CNOT4: variants seen among roughly 807,000 people sequenced by gnomAD.
CNOT4 encodes the protein CCR4-NOT transcription complex subunit 4, also known as CCR4-associated factor 4.
A neutral mutation model predicts 73.8 loss-of-function variants in CNOT4; 8 were observed. That is an observed-to-expected ratio of 0.11 (90% CI 0.06 to 0.20). The LOEUF (loss-of-function observed/expected upper bound fraction) is 0.20, where lower values mean the gene tolerates loss of function less well. CNOT4 is among the 10% of genes least tolerant of loss of function. The pLI, the probability that CNOT4 is intolerant of heterozygous loss-of-function variation, is 1.00. For missense variants in CNOT4, 564 were observed against 883.4 expected (o/e 0.64, Z 4.58); for synonymous variants, 293 against 321.1 (o/e 0.91, Z 0.94).
At chr7:135,491,363 A>C (rs1327522040) in intron 1 of CNOT4, among the ~76,000 whole-genome samples, 1 of 152,238 alleles carries the variant, frequency 6.6e-6, no homozygotes, top group Non-Finnish European at 1.5e-5. Flanking sequence ...GTAGGCAAAA[A>C]GGAAAATCTA....
chr7:135,398,161 A>T lies in CNOT4; in HGVS notation c.879+8T>A, dbSNP rs746937514. 1 of 1,473,868 alleles carries T rather than the reference A, an allele frequency of 6.8e-7. No individual in the cohort carries two copies. The highest frequency in any genetic ancestry group is 1.7e-5 in the Admixed American group (1 of 59,412). The allele number at this position is 1,473,868 out of a possible 1,614,324, so 91.3% of individuals were successfully genotyped here. ...AATAAATCAAGTGATACTGTATTCAAATCTTACCTGCTGGGAATTATCACC... is the reference window on the plus strand; with the variant it reads ...AATAAATCAAGTGATACTGTATTCATATCTTACCTGCTGGGAATTATCACC... On this transcript the variant is annotated splice_region_variant and intron_variant, in intron 8 of 11. Transcript: ENST00000541284.
At chr7:135,403,082 T>C (rs1392127581) in intron 7 of CNOT4, among the ~76,000 whole-genome samples, 3 of 152,196 alleles carry the variant, frequency 2.0e-5, no homozygotes, top group Non-Finnish European at 2.9e-5. Context: ...TACTTACATT[T>C]TAAACAAAAT....
chr7:135,498,878 T>C (rs959900354), intron 1 of CNOT4, among the ~76,000 whole-genome samples: 10 of 152,158 alleles, frequency 6.6e-5, no homozygotes, highest in African/African-American at 2.4e-4. Flanking sequence ...CTAGGTCCTG[T>C]ATGACAGAAA....
At chr7:135,404,642 T>A (rs1797182444) in intron 7 of CNOT4, among the ~76,000 whole-genome samples, 1 of 152,204 alleles carries the variant, frequency 6.6e-6, no homozygotes, top group East Asian at 1.9e-4. Context: ...ATTCCCATTC[T>A]GCTGAACTAA....
chr7:135,423,403 G>C (rs1798299511), intron 2 of CNOT4, among the ~76,000 whole-genome samples: 1 of 149,370 alleles, frequency 6.7e-6, no homozygotes, highest in African/African-American at 2.5e-5. Flanking sequence ...GGAAGAAATA[G>C]CTACAGGCCT....
intron 10 of CNOT4, among the ~76,000 whole-genome samples, chr7:135,393,560 A>G (rs1436264974): frequency 2.0e-5 from 3 of 152,178 alleles, no homozygotes; most frequent in Non-Finnish European, 4.4e-5. Flanking sequence ...ATTTTACTTT[A>G]GAATATAAAA....
At chr7:135,486,219 A>C (rs1802709999) in intron 1 of CNOT4, among the ~76,000 whole-genome samples, 1 of 152,232 alleles carries the variant, frequency 6.6e-6, no homozygotes, top group Admixed American at 6.5e-5. Flanking sequence ...CTAACAGTAA[A>C]GATAACCAAT....
intron 1 of CNOT4, among the ~76,000 whole-genome samples, chr7:135,506,873 G>T (rs959122965): frequency 4.0e-5 from 6 of 151,104 alleles, no homozygotes; most frequent in African/African-American, 1.5e-4. Flanking sequence ...AAAAGAAAAA[G>T]AAAGAAAAGA....
chr7:135,471,614 T>C (rs1159601041), intron 1 of CNOT4, among the ~76,000 whole-genome samples: 1 of 152,238 alleles, frequency 6.6e-6, no homozygotes, highest in Non-Finnish European at 1.5e-5. Flanking sequence ...TTATCTATTT[T>C]ATGTATATAT....
intron 1 of CNOT4, among the ~76,000 whole-genome samples, chr7:135,470,704 T>C (rs1801525530): frequency 6.6e-6 from 1 of 152,130 alleles, no homozygotes. Flanking sequence ...TGAACAAACC[T>C]GGAAAGCATT....
chr7:135,388,552 T>G, intron 10 of CNOT4: 8 of 1,089,498 alleles, frequency 7.3e-6, no homozygotes, highest in Non-Finnish European at 9.0e-6. Context: ...TTTTATGAGT[T>G]AGAAATAGTA....
Position 135,393,988 on chromosome 7 carries a change from T to C in CNOT4, c.1557A>G (p.Ser519=), listed in dbSNP as rs755914315. The C allele has an allele frequency of 6.2e-7, 1 of 1,613,846 alleles. No homozygotes were observed. The highest frequency in any genetic ancestry group is 8.5e-7 in the Non-Finnish European group (1 of 1,179,900). ...MHLNHTANPT[S]NSNFLDLNLP... ...GATTCAAGTCCAAGAAATTACTATTTGAGGTGGGGTTTGCTGTGTGGTTCA... is the reference window on the plus strand; with the variant it reads ...GATTCAAGTCCAAGAAATTACTATTCGAGGTGGGGTTTGCTGTGTGGTTCA... Residue 519 remains serine (S), a synonymous_variant, in exon 10 of 12, where the codon TCA becomes TCG. Coordinates refer to ENST00000541284, the MANE Select transcript of CNOT4 (RefSeq NM_001190850.2).
chr7:135,420,500 C>G (rs1020171661), intron 3 of CNOT4, among the ~76,000 whole-genome samples: 12 of 147,830 alleles, frequency 8.1e-5, no homozygotes, highest in Non-Finnish European at 1.8e-4. Context: ...TCACTTGAGC[C>G]CAGGAGGCTG....
intron 1 of CNOT4, among the ~76,000 whole-genome samples, chr7:135,485,746 T>G (rs1802679223): frequency 6.6e-6 from 1 of 152,158 alleles, no homozygotes; most frequent in African/African-American, 2.4e-5. Flanking sequence ...GGAAGAGTTA[T>G]CAACCTAAAC....
chr7:135,505,478 G>C (rs538785173), intron 1 of CNOT4, among the ~76,000 whole-genome samples: 3 of 152,226 alleles, frequency 2.0e-5, no homozygotes, highest in African/African-American at 4.8e-5. Flanking sequence ...CTTGAACCTG[G>C]GAAGCAGAGG....
intron 1 of CNOT4, among the ~76,000 whole-genome samples, chr7:135,463,036 G>A (rs933642975): frequency 1.3e-5 from 2 of 152,262 alleles, no homozygotes; most frequent in African/African-American, 2.4e-5. Flanking sequence ...ACAGACAGCC[G>A]TAGATGTGCA....
intron 1 of CNOT4, among the ~76,000 whole-genome samples, chr7:135,471,923 A>G (rs1417085718): frequency 6.6e-6 from 1 of 152,198 alleles, no homozygotes; most frequent in Non-Finnish European, 1.5e-5. Context: ...CTGTAATCCC[A>G]GCATTTTGGG....
At position 135,364,161 on chromosome 7, in the gene CNOT4, A is replaced by T; in HGVS notation, c.1628-95T>A. 1.1e-6 allele frequency: 1 copy of T among 937,162 alleles called. No homozygotes were observed. Among genetic ancestry groups the T allele is most frequent in the Non-Finnish European group, 1.6e-6 (1 of 621,100 alleles). The allele number at this position is 937,162 out of a possible 1,614,324, so 58.1% of individuals were successfully genotyped here. On this transcript the variant is annotated intron_variant, in intron 10 of 11. Coordinates refer to ENST00000541284, the MANE Select transcript of CNOT4 (RefSeq NM_001190850.2). The surrounding 1 kb of genome is among the most constrained non-coding windows in gnomAD (Gnocchi z 4.3). ...TTCTTTAGTGGTTAAGCGGGAGAAG[A>T]ATTATTCTTTCTTTATTGAGCATTT...
intron 10 of CNOT4, chr7:135,387,031 A>C (rs988757394): frequency 1.0e-6 from 1 of 965,730 alleles, no homozygotes; most frequent in African/African-American, 1.8e-5. Context: ...AGAGTTTGTT[A>C]TAATAACAAG....
Sources: gnomAD v4.1 joint callset for allele counts (sites outside exome capture counted in the v4.1 genomes callset) on GRCh38, gnomAD v4.1.1 for gene constraint, Gnocchi (gnomAD v3.1) non-coding constraint, MANE v1.5 for transcripts, NCBI Gene and HGNC (gene_info 2026-07-23, HGNC 2026-07-21) for gene names.